Variants in MCC observed in about 807,000 individuals in gnomAD.
The protein encoded by MCC is colorectal mutant cancer protein.
In MCC, 90 loss-of-function variants were observed where a neutral mutation model predicts 116.2. That is an observed-to-expected ratio of 0.77 (90% CI 0.65 to 0.92). The LOEUF (loss-of-function observed/expected upper bound fraction) is 0.92. Ranked by LOEUF, MCC falls within the 40% of genes least tolerant of loss-of-function variation. The pLI, the probability that MCC is intolerant of heterozygous loss-of-function variation, is 0.00. For synonymous variants in MCC, 578 were observed against 510.5 expected (o/e 1.13, Z -1.78); for missense variants, 1,516 against 1,312.2 (o/e 1.16, Z -2.40).
chr5:113,127,913 G>C (rs1276681346), intron 5 of MCC, among the ~76,000 whole-genome samples: 1 of 152,138 alleles, frequency 6.6e-6, no homozygotes, highest in Non-Finnish European at 1.5e-5. Context: ...TGAAATCCTT[G>C]CCCTTGCCTC....
chr5:113,488,018 C>T (rs1772590275), intron 1 of MCC, among the ~76,000 whole-genome samples: 1 of 152,144 alleles, frequency 6.6e-6, no homozygotes, highest in Admixed American at 6.5e-5. Flanking sequence ...TAGACAAAGA[C>T]AGCGCTGGGA....
chr5:113,228,284 C>A (rs1763819437), intron 3 of MCC, among the ~76,000 whole-genome samples: 1 of 152,008 alleles, frequency 6.6e-6, no homozygotes, highest in Non-Finnish European at 1.5e-5. Flanking sequence ...CCTGAGGGAC[C>A]CATGCTGTCT....
Position 113,340,536 on chromosome 5 carries a change from G to C in MCC, c.610C>G (p.Leu204Val). ...HIGNSVGGSY[L>V]ELANTLHSAA... ...GTACTCACTGTGTTGGCCAGCTCTA[G>C]ATAGCTTCCTCCTACAGAGTTGCCA... The change falls in exon 3 of 19, where the codon CTA (leucine) becomes GTA (valine). Residue 204 changes from leucine to valine, a missense_variant. Transcript: ENST00000408903. The C allele has an allele frequency of 6.2e-7, 1 of 1,614,154 alleles. No individual in the cohort carries two copies. Among genetic ancestry groups the C allele is most frequent in the Admixed American group, 1.7e-5 (1 of 60,018 alleles).
intron 1 of MCC, among the ~76,000 whole-genome samples, chr5:113,416,605 C>G (rs6879776): frequency 0.031 from 4,739 of 152,130 alleles, 110 homozygotes; most frequent in African/African-American, 0.064. Flanking sequence ...TATACACATA[C>G]GCATGTTCAT....
In MCC at chr5:113,220,057, C is replaced by CTTTTTTTTTTTTT. The variant is rs1229213218; in HGVS notation, c.628-68636_628-68635insAAAAAAAAAAAAA. ...AACTTTGGAATCTGCATGTCAATTTCTTTTTCTTTTTTTTTTTTGAGACGG... is the reference window on the plus strand; with the variant it reads ...AACTTTGGAATCTGCATGTCAATTTCTTTTTTTTTTTTTTTTTTCTTTTTTTTTTTTGAGACGG... On this transcript the variant is annotated intron_variant, in intron 3 of 18. Coordinates refer to ENST00000408903, the MANE Select transcript of MCC (RefSeq NM_001085377.2). Among the ~76,000 whole-genome samples the CTTTTTTTTTTTTT allele has an allele frequency of 4.8e-4, 38 of 79,606 alleles. 7 individuals are homozygous for CTTTTTTTTTTTTT. The highest frequency in any genetic ancestry group is 2.3e-3 in the East Asian group (4 of 1,726). 52.2% of individuals were successfully genotyped at this position (79,606 alleles called of 152,430 possible). A position where few individuals can be genotyped will look rare whatever the true frequency, so the allele number is the denominator to read the frequency against.
chr5:113,244,382 C>G (rs1265471809), intron 3 of MCC, among the ~76,000 whole-genome samples: 4 of 152,192 alleles, frequency 2.6e-5, no homozygotes, highest in Non-Finnish European at 1.5e-5. Context: ...ATAGCTAACA[C>G]TTTGAGCAAA....
At chr5:113,205,361 T>C (rs1581250993) in intron 3 of MCC, among the ~76,000 whole-genome samples, 1 of 152,338 alleles carries the variant, frequency 6.6e-6, no homozygotes, top group African/African-American at 2.4e-5. Context: ...GCTTGCTTAC[T>C]AAACAGGACT....
At chr5:113,067,980 G>A (rs757160633) in intron 13 of MCC, 100 bp downstream of exon 13, 31 of 1,002,216 alleles carry the variant, frequency 3.1e-5, no homozygotes, top group Non-Finnish European at 4.6e-5. Flanking sequence ...ACCAAATTTT[G>A]TGTTGTCGGG....
intron 16 of MCC, among the ~76,000 whole-genome samples, chr5:113,045,797 C>G (rs1392921529): frequency 5.5e-5 from 4 of 72,382 alleles, no homozygotes; most frequent in Admixed American, 1.5e-4. Context: ...GAAACTCCAT[C>G]TCAAAAAAAA....
chr5:113,468,441 A>C (rs1771977956), intron 1 of MCC, among the ~76,000 whole-genome samples: 1 of 152,210 alleles, frequency 6.6e-6, no homozygotes, highest in African/African-American at 2.4e-5. Context: ...TGAGATAAGC[A>C]TGTGGTTTTT....
intron 17 of MCC, among the ~76,000 whole-genome samples, chr5:113,034,126 C>T (rs1751158336): frequency 6.8e-6 from 1 of 146,820 alleles, no homozygotes; most frequent in South Asian, 2.1e-4. Context: ...TTGCAAACTA[C>T]TGGGCTCTAG....
At chr5:113,059,687 G>A (rs927492286) in intron 14 of MCC, among the ~76,000 whole-genome samples, 3 of 152,228 alleles carry the variant, frequency 2.0e-5, no homozygotes, top group Non-Finnish European at 4.4e-5. Context: ...TAGGATGTGT[G>A]GGTTTCTCCT....
At chr5:113,450,728 C>A (rs1225577061) in intron 1 of MCC, among the ~76,000 whole-genome samples, 1 of 152,192 alleles carries the variant, frequency 6.6e-6, no homozygotes, top group Non-Finnish European at 1.5e-5. Context: ...CCATGGTACA[C>A]ATGTACCTAC....
chr5:113,416,239 T>G (rs1406331307), intron 1 of MCC, among the ~76,000 whole-genome samples: 3 of 152,222 alleles, frequency 2.0e-5, no homozygotes, highest in Non-Finnish European at 4.4e-5. Context: ...CTTTTCTGTA[T>G]GCTTAAAAAT....
intron 1 of MCC, among the ~76,000 whole-genome samples, chr5:113,469,878 C>CAT (rs1411935784): frequency 1.3e-5 from 2 of 152,070 alleles, no homozygotes; most frequent in African/African-American, 4.8e-5. Context: ...GTATTGGGTG[C>CAT]ATATATATTT....
chr5:113,038,755 A>G (rs1319994669), intron 17 of MCC, among the ~76,000 whole-genome samples: 1 of 152,156 alleles, frequency 6.6e-6, no homozygotes, highest in Non-Finnish European at 1.5e-5. Context: ...GCTCTGGCAC[A>G]CAACCCTGTC....
rs75011555 is a variant in MCC, at chr5:113,437,455, G to A, written c.170+50790C>T. Among the ~76,000 whole-genome samples the A allele has an allele frequency of 2.9e-3, 444 of 152,276 alleles. 3 individuals are homozygous for A. Among genetic ancestry groups the A allele is most frequent in the Middle Eastern group, 0.021 (6 of 292 alleles). On this transcript the variant is annotated intron_variant, in intron 1 of 18. Transcript: ENST00000408903. Reference sequence around the variant, plus strand: ...TATGTCTTCCAAGGATAAAGACAATGAGGTATGAGGTATTCACTCAAAATG... The same window carrying A: ...TATGTCTTCCAAGGATAAAGACAATAAGGTATGAGGTATTCACTCAAAATG...
intron 1 of MCC, among the ~76,000 whole-genome samples, chr5:113,445,485 C>T (rs1273187838): frequency 6.6e-6 from 1 of 152,066 alleles, no homozygotes; most frequent in East Asian, 1.9e-4. Context: ...ATCAAGAACA[C>T]AATCCCATTT....
At chr5:113,363,395 T>C (rs1768599325) in intron 2 of MCC, among the ~76,000 whole-genome samples, 1 of 152,232 alleles carries the variant, frequency 6.6e-6, no homozygotes, top group Non-Finnish European at 1.5e-5. Flanking sequence ...CAGTATCCAC[T>C]TGGCTTCTGG....
Sources: allele counts gnomAD v4.1 joint callset (sites outside exome capture counted in the v4.1 genomes callset), GRCh38; gene constraint gnomAD v4.1.1; transcripts MANE v1.5; gene names NCBI Gene and HGNC (gene_info 2026-07-23, HGNC 2026-07-21).